The following PFDN5 variants were observed in gnomAD, a reference collection of about 807,000 sequenced individuals.
The protein encoded by PFDN5 is c-myc binding protein.
Under a neutral mutation model 21.5 loss-of-function variants are expected in PFDN5, and 13 were observed. That is an observed-to-expected ratio of 0.60 (90% CI 0.39 to 0.96). PFDN5 has a LOEUF of 0.96. PFDN5 is among the 40% of genes least tolerant of loss of function. PFDN5 has a pLI of 0.00. For missense variants in PFDN5, 188 were observed against 186.2 expected (o/e 1.01, Z -0.06); for synonymous variants, 84 against 68.9 (o/e 1.22, Z -1.08).
At chr12:53,299,166 C>G in intron 5 of PFDN5, 103 bp from the exon 6 acceptor site, 1 of 620,102 alleles carries the variant, frequency 1.6e-6, no homozygotes, top group Non-Finnish European at 2.9e-6. Flanking sequence ...TATTAACAAA[C>G]TGTAGTTAGT....
At chr12:53,299,136 CAAAA>C (rs5798261) in intron 5 of PFDN5, 129 bp from the exon 6 acceptor site, 56 of 358,992 alleles carry the variant, frequency 1.6e-4, no homozygotes, top group Admixed American at 2.8e-4. Context: ...GATTCTGTCT[CAAAA>C]AAAAAAAAAA....
intron 3 of PFDN5, 197 bp downstream of exon 3, chr12:53,296,472 G>A (rs1398422831): frequency 1.5e-6 from 1 of 671,380 alleles, no homozygotes; most frequent in Non-Finnish European, 2.7e-6. Context: ...GCAATGGTGA[G>A]ATCTTGGCTT....
chr12:53,295,654 C>T lies in PFDN5; in HGVS notation c.72+15C>T. ...AGCTGGACCAGGTGGGGACGGGCCC[C>T]AGAGGCACCTCTTTCCTGCTCTACA... On this transcript the variant is annotated intron_variant, in intron 1 of 5. Coordinates refer to ENST00000334478, the MANE Select transcript of PFDN5 (RefSeq NM_002624.4). 6.2e-7 allele frequency: 1 copy of T among 1,607,540 alleles called. No homozygotes were observed.
chr12:53,296,779 C>T (rs1405462536), intron 3 of PFDN5: 1 of 247,712 alleles, frequency 4.0e-6, no homozygotes, highest in Non-Finnish European at 8.0e-6. Context: ...CAGCTAATGT[C>T]TTGTGAACAC....
chr12:53,295,811 A>C, intron 1 of PFDN5, 28 bp from the exon 2 acceptor site: 1 of 1,430,126 alleles, frequency 7.0e-7, no homozygotes, highest in Non-Finnish European at 9.9e-7. Context: ...TAGTCCTCTC[A>C]TTGACCCGCT....
At chr12:53,299,154 G>T (rs1291970961) in intron 5 of PFDN5, 115 bp from the exon 6 acceptor site, 1 of 540,548 alleles carries the variant, frequency 1.8e-6, no homozygotes, top group East Asian at 3.7e-5. Flanking sequence ...AAAAAAAAAG[G>T]TTATTAACAA....
intron 3 of PFDN5, chr12:53,296,565 C>A: frequency 4.1e-6 from 2 of 492,152 alleles, no homozygotes; most frequent in East Asian, 4.1e-5. Flanking sequence ...CGCGCCACCA[C>A]GACCGGCTAA....
At chr12:53,298,324 C>A in intron 5 of PFDN5, 174 bp downstream of exon 5, 1 of 538,038 alleles carries the variant, frequency 1.9e-6, no homozygotes, top group Non-Finnish European at 3.4e-6. Context: ...CTGGGTTGAG[C>A]GTTTGAGAAA....
chr12:53,296,601 G>A (rs1186762714), intron 3 of PFDN5: 1 of 405,422 alleles, frequency 2.5e-6, no homozygotes, highest in African/African-American at 2.1e-5. Context: ...TAGAGTTGGG[G>A]GTTTCACCAT....
At position 53,295,718 on chromosome 12, in the gene PFDN5, AG is replaced by A. The variant is rs1248797502; in HGVS notation, c.72+80del. The A allele has an allele frequency of 2.9e-6, 4 of 1,395,936 alleles. No individual in the cohort carries two copies. The African/African-American group carries it at 4.2e-5, about 15-fold the overall frequency. The allele number at this position is 1,395,936 out of a possible 1,614,324, so 86.5% of individuals were successfully genotyped here. ...CGCGTACTTCTCGCGCCCGGTTCCA[AG>A]TTGGCAGCCTACCTTTCCCAGGCGA... On this transcript the variant is annotated intron_variant, in intron 1 of 5. Transcript: ENST00000334478.
chr12:53,296,791 A>G (rs1944157087), intron 3 of PFDN5: 1 of 241,124 alleles, frequency 4.1e-6, no homozygotes, highest in Non-Finnish European at 8.2e-6. Context: ...TGTGAACACC[A>G]AGGAGTATGT....
chr12:53,296,662 C>T (rs150907935), intron 3 of PFDN5: 2 of 339,572 alleles, frequency 5.9e-6, no homozygotes, highest in East Asian at 1.8e-4. Flanking sequence ...CCTGCCTCGG[C>T]CTCCCAAAGT....
intron 3 of PFDN5, chr12:53,297,549 TGTC>T (rs1227949154): frequency 2.7e-5 from 10 of 371,546 alleles, no homozygotes; most frequent in Admixed American, 1.6e-4. Context: ...TAGGAAAACA[TGTC>T]TAGTCTTTCT....
chr12:53,296,609 C>T, intron 3 of PFDN5: 2 of 391,366 alleles, frequency 5.1e-6, no homozygotes, highest in South Asian at 2.2e-5. Context: ...GGGGTTTCAC[C>T]ATATTGGCCA....
At chr12:53,296,219 G>C (rs1347076092) in intron 2 of PFDN5, 25 bp from the exon 3 acceptor site, 1 of 1,606,466 alleles carries the variant, frequency 6.2e-7, no homozygotes, top group African/African-American at 1.3e-5. Context: ...CCTTCCCCAG[G>C]TGTTTGTCTT....
In PFDN5 at chr12:53,295,640, G is replaced by C; in HGVS notation, c.72+1G>C. ...AATGCTCAAGAACCAGCTGGACCAG[G>C]TGGGGACGGGCCCCAGAGGCACCTC... On this transcript the variant is annotated splice_donor_variant, in intron 1 of 5. Transcript: ENST00000334478. LOFTEE classifies it high-confidence loss of function. 1.2e-6 allele frequency: 2 copies of C among 1,612,472 alleles called. No homozygotes were observed. Among genetic ancestry groups the C allele is most frequent in the Non-Finnish European group, 1.7e-6 (2 of 1,178,422 alleles).
At chr12:53,295,778 C>G in intron 1 of PFDN5, 61 bp from the exon 2 acceptor site, 2 of 1,279,496 alleles carry the variant, frequency 1.6e-6, no homozygotes, top group Non-Finnish European at 2.3e-6. Context: ...TGCCCCCTCC[C>G]CGGCCGCGCT....
intron 3 of PFDN5, chr12:53,296,982 A>G (rs1944159076): frequency 6.5e-6 from 1 of 154,406 alleles, no homozygotes; most frequent in Admixed American, 6.5e-5. Context: ...GCTCATTTCT[A>G]AACTGTCACT....
intron 5 of PFDN5, 137 bp downstream of exon 5, chr12:53,298,287 T>A (rs1944180952): frequency 1.6e-6 from 1 of 642,746 alleles, no homozygotes; most frequent in Non-Finnish European, 2.8e-6. Flanking sequence ...AGAATCTGTG[T>A]ATTGCATAAT....
Sources: allele counts gnomAD v4.1 joint callset, GRCh38; gene constraint gnomAD v4.1.1; transcripts MANE v1.5; gene names NCBI Gene and HGNC (gene_info 2026-07-23, HGNC 2026-07-21).